Variants in PTPRT observed in about 807,000 individuals in gnomAD.
PTPRT encodes receptor-type tyrosine-protein phosphatase T.
In PTPRT, 56 loss-of-function variants were observed where a neutral mutation model predicts 176.8. The observed-to-expected ratio is 0.32, with a 90% confidence interval of 0.26 to 0.40. PTPRT has a LOEUF of 0.40. PTPRT is among the 10% of genes least tolerant of loss of function. The pLI is 1.00. For missense variants in PTPRT, 1,540 were observed against 1,908.2 expected (o/e 0.81, Z 3.60); for synonymous variants, 783 against 739.0 (o/e 1.06, Z -0.96).
intron 7 of PTPRT, among the ~76,000 whole-genome samples, chr20:42,633,985 TTATA>T (rs1569037945): frequency 3.4e-5 from 1 of 29,050 alleles, no homozygotes; most frequent in Non-Finnish European, 5.2e-5. Flanking sequence ...ATATTATATA[TTATA>T]TTATATATAT....
At chr20:42,213,353 T>C (rs1217407013) in intron 15 of PTPRT, among the ~76,000 whole-genome samples, 2 of 113,184 alleles carry the variant, frequency 1.8e-5, no homozygotes, top group East Asian at 2.7e-4. Flanking sequence ...AGATATCTCA[T>C]TGAGTTGCCG....
intron 2 of PTPRT, among the ~76,000 whole-genome samples, chr20:42,800,986 T>C (rs1287174012): frequency 6.6e-6 from 1 of 152,114 alleles, no homozygotes; most frequent in Non-Finnish European, 1.5e-5. Flanking sequence ...AGGTCGACAG[T>C]GGGGAATGTT....
intron 6 of PTPRT, among the ~76,000 whole-genome samples, chr20:42,736,389 T>A (rs2076540374): frequency 6.6e-6 from 1 of 152,218 alleles, no homozygotes; most frequent in Non-Finnish European, 1.5e-5. Flanking sequence ...TTGTCCACCT[T>A]TGCAAAGAAG....
chr20:42,649,240 T>C (rs1305134592), intron 7 of PTPRT, among the ~76,000 whole-genome samples: 1 of 152,048 alleles, frequency 6.6e-6, no homozygotes. Context: ...GAGGGAGAGC[T>C]TGTGCAAAGG....
intron 18 of PTPRT, among the ~76,000 whole-genome samples, chr20:42,140,039 G>C (rs1988551250): frequency 6.6e-6 from 1 of 152,216 alleles, no homozygotes; most frequent in Non-Finnish European, 1.5e-5. Context: ...ACCATTCATA[G>C]CCCATTCCTA....
Position 42,249,911 on chromosome 20 carries a change from C to A in PTPRT, c.2177-1089G>T, listed in dbSNP as rs146160444. ...ACCCGAAGTGAATTTCCTCCTGCTT[C>A]TATTTATATTCCTATTGGCGCCAGC... On this transcript the variant is annotated intron_variant, in intron 13 of 30. Coordinates refer to ENST00000373187, the MANE Select transcript of PTPRT (RefSeq NM_007050.6). Among the ~76,000 whole-genome samples the A allele has an allele frequency of 1.3e-4, 20 of 152,316 alleles. No homozygotes were observed. In the East Asian group the frequency reaches 2.9e-3, roughly 22 times the overall value.
chr20:43,053,375 C>T (rs1048951461), intron 1 of PTPRT, among the ~76,000 whole-genome samples: 16 of 152,300 alleles, frequency 1.1e-4, no homozygotes, highest in African/African-American at 3.9e-4. Flanking sequence ...CCAACCTACC[C>T]CATGCACCAG....
intron 6 of PTPRT, among the ~76,000 whole-genome samples, chr20:42,734,600 G>A (rs775468019): frequency 2.0e-5 from 3 of 152,162 alleles, no homozygotes; most frequent in Non-Finnish European, 4.4e-5. Context: ...CAGAAAATCT[G>A]CTATGAGAAT....
chr20:42,108,040 TA>T (rs11326682), intron 23 of PTPRT, among the ~76,000 whole-genome samples: 26,253 of 151,982 alleles, frequency 0.17, 2,310 homozygotes, highest in African/African-American at 0.19. Flanking sequence ...GGAGGGAGTA[TA>T]GGGGGGGTCA....
In PTPRT at chr20:42,968,355, T is replaced by C. The variant is rs140966824; in HGVS notation, c.89-82423A>G. ...AAGATTCATCCTTATCTGATTCATC[T>C]TTGTATCCCAGATCTTAGCCAGGCA... On this transcript the variant is annotated intron_variant, in intron 1 of 30. Transcript: ENST00000373187. 1.8e-3 allele frequency among the ~76,000 whole-genome samples: 273 copies of C among 152,328 alleles called. 1 individual carries two copies. The highest frequency in any genetic ancestry group is 6.4e-3 in the African/African-American group (264 of 41,570).
At position 42,482,275 on chromosome 20, in the gene PTPRT, C is replaced by A. The variant is rs567817909; in HGVS notation, c.1154-9713G>T. ...CAGAGATTGCCATGCTTGAGTGGAC[C>A]GTCCACAAGAGCAGGAATCCCTGCC... On this transcript the variant is annotated intron_variant, in intron 7 of 30. Transcript: ENST00000373187. 7.9e-5 allele frequency among the ~76,000 whole-genome samples: 12 copies of A among 152,202 alleles called. No homozygotes were observed. The South Asian group carries it at 2.3e-3, about 29-fold the overall frequency.
At chr20:42,183,849 A>G (rs1276552071) in intron 16 of PTPRT, among the ~76,000 whole-genome samples, 2 of 152,164 alleles carry the variant, frequency 1.3e-5, no homozygotes, top group African/African-American at 4.8e-5. Flanking sequence ...TAGGAGGACT[A>G]GCATTTCTCC....
chr20:42,891,916 G>T (rs989536025), intron 1 of PTPRT, among the ~76,000 whole-genome samples: 2 of 152,190 alleles, frequency 1.3e-5, no homozygotes, highest in African/African-American at 2.4e-5. Context: ...AATATTTTCA[G>T]CTCTGTAGTC....
At chr20:42,448,951 A>T (rs1448056291) in intron 8 of PTPRT, among the ~76,000 whole-genome samples, 1 of 152,092 alleles carries the variant, frequency 6.6e-6, no homozygotes, top group African/African-American at 2.4e-5. Context: ...CCTGGGCTGC[A>T]TGCAGCCCAG....
rs529450348 is a variant in PTPRT, at chr20:42,618,502, C to A, written c.1153+59364G>T. On this transcript the variant is annotated intron_variant, in intron 7 of 30. Coordinates refer to ENST00000373187, the MANE Select transcript of PTPRT (RefSeq NM_007050.6). ...TTCAATTCCTGGGTATCCTTGTTGACTTTCTGTCCGTTGATCTGTCTAATG... is the reference window on the plus strand; with the variant it reads ...TTCAATTCCTGGGTATCCTTGTTGAATTTCTGTCCGTTGATCTGTCTAATG... Among the ~76,000 whole-genome samples the A allele has an allele frequency of 1.5e-5, 2 of 134,592 alleles. 1 individual carries two copies. Among genetic ancestry groups the A allele is most frequent in the African/African-American group, 6.7e-5 (2 of 29,728 alleles). The allele number at this position is 134,592 out of a possible 152,430, so 88.3% of individuals were successfully genotyped here.
At chr20:42,580,424 T>C (rs2073350482) in intron 7 of PTPRT, among the ~76,000 whole-genome samples, 1 of 152,132 alleles carries the variant, frequency 6.6e-6, no homozygotes, top group Non-Finnish European at 1.5e-5. Flanking sequence ...AAAGTAGTTT[T>C]TTCCAATTCT....
intron 14 of PTPRT, among the ~76,000 whole-genome samples, chr20:42,247,511 A>G (rs73271014): frequency 0.014 from 2,163 of 152,278 alleles, 45 homozygotes; most frequent in African/African-American, 0.05. Flanking sequence ...AACACATTTG[A>G]TGAGCATTTT....
chr20:42,267,942 A>G (rs1319527817), intron 13 of PTPRT, among the ~76,000 whole-genome samples: 1 of 152,186 alleles, frequency 6.6e-6, no homozygotes, highest in Non-Finnish European at 1.5e-5. Flanking sequence ...TGAAGTCTGG[A>G]AAAGAAAAAT....
At chr20:42,528,210 C>T (rs964015824) in intron 7 of PTPRT, among the ~76,000 whole-genome samples, 1 of 152,080 alleles carries the variant, frequency 6.6e-6, no homozygotes, top group Non-Finnish European at 1.5e-5. Flanking sequence ...TTTGCCTTTT[C>T]ATGCTTACCC....
Sources: gnomAD v4.1 joint callset for allele counts (sites outside exome capture counted in the v4.1 genomes callset) on GRCh38, gnomAD v4.1.1 for gene constraint, MANE v1.5 for transcripts, NCBI Gene and HGNC (gene_info 2026-07-23, HGNC 2026-07-21) for gene names.